The following NLRP2 variants were observed in gnomAD, a reference collection of about 807,000 sequenced individuals.
NLRP2 encodes the protein NACHT, LRR and PYD domains-containing protein 2.
NLRP2 carries 107 observed loss-of-function variants against 97.2 expected under a neutral mutation model. That is an observed-to-expected ratio of 1.10 (90% CI 0.94 to 1.29). The LOEUF is 1.29. Ranked by LOEUF, NLRP2 falls within the 50% of genes most tolerant of loss-of-function variation. The probability of loss-of-function intolerance (pLI) is 0.00; values close to 1 mark genes in which losing one functional copy is unlikely to be tolerated. For synonymous variants in NLRP2, 663 were observed against 551.5 expected (o/e 1.20, Z -2.83); for missense variants, 1,495 against 1,330.3 (o/e 1.12, Z -1.93).
At chr19:54,972,815 G>C (rs1005575020) in intron 2 of NLRP2, among the ~76,000 whole-genome samples, 27 of 152,040 alleles carry the variant, frequency 1.8e-4, no homozygotes, top group African/African-American at 6.5e-4. Flanking sequence ...GACCATCAGT[G>C]GATGAATAAA....
chr19:54,995,434 G>A (rs2072756145), intron 11 of NLRP2, among the ~76,000 whole-genome samples: 1 of 151,436 alleles, frequency 6.6e-6, no homozygotes, highest in Non-Finnish European at 1.5e-5. Flanking sequence ...TCAGGTGAGA[G>A]CCACCGTGCC....
rs181860176 is a variant in NLRP2, at chr19:55,000,499, T to C, written c.3051-261T>C. 8.7e-3 allele frequency among the ~76,000 whole-genome samples: 1,305 copies of C among 150,784 alleles called. 15 individuals carry two copies. Among genetic ancestry groups the C allele is most frequent in the African/African-American group, 0.03 (1,238 of 41,046 alleles). The stretch of plus-strand genomic sequence containing the variant: ...TTCACCGTGTTAGCCAGGATGGTCT[T>C]GATCTGCTGACCTCGTGATCCACCC... On this transcript the variant is annotated intron_variant, in intron 12 of 12. Coordinates refer to ENST00000448584, the MANE Select transcript of NLRP2 (RefSeq NM_017852.5).
intron 11 of NLRP2, 49 bp downstream of exon 11, chr19:54,994,488 CTG>C (rs762162738): frequency 2.9e-5 from 46 of 1,589,530 alleles, no homozygotes; most frequent in Admixed American, 1.0e-4. Context: ...CTTACTGAAT[CTG>C]TGGCTAGTGT....
Position 54,994,548 on chromosome 19 carries a change from C to G in NLRP2, c.2879+109C>G. The stretch of plus-strand genomic sequence containing the variant: ...TCCCAAGTTATATAATTGAGAGGAC[C>G]TTTATAGAGTCGATCGAGCATTTAC... On this transcript the variant is annotated intron_variant, in intron 11 of 12. Coordinates refer to ENST00000448584, the MANE Select transcript of NLRP2 (RefSeq NM_017852.5). 1.8e-6 allele frequency: 2 copies of G among 1,133,032 alleles called. 1 individual carries two copies. The highest frequency in any genetic ancestry group is 2.5e-5 in the South Asian group (2 of 80,558). 70.2% of individuals were successfully genotyped at this position (1,133,032 alleles called of 1,614,324 possible).
At chr19:54,986,070 A>G in intron 7 of NLRP2, 81 bp from the exon 8 acceptor site, 2 of 919,204 alleles carry the variant, frequency 2.2e-6, no homozygotes, top group Middle Eastern at 3.1e-4. Context: ...TAAAGTTTAA[A>G]TATATCGAGC....
chr19:54,999,768 ACT>A (rs1404508922), intron 12 of NLRP2, among the ~76,000 whole-genome samples: 8 of 151,392 alleles, frequency 5.3e-5, no homozygotes, highest in African/African-American at 1.7e-4. Flanking sequence ...CAAAAATCTC[ACT>A]CTATTGCTCA....
At position 54,983,391 on chromosome 19, in the gene NLRP2, A is replaced by G. The variant is rs369675696; in HGVS notation, c.1693A>G (p.Arg565Gly). ...YYSFGLANEK[R>G]AKELEATFGC... Reference sequence around the variant, plus strand: ...CTCCTTTGGCCTCGCTAACGAGAAGAGAGCCAAGGAGTTGGAGGCCACTTT... The same window carrying G: ...CTCCTTTGGCCTCGCTAACGAGAAGGGAGCCAAGGAGTTGGAGGCCACTTT... Residue 565 changes from arginine to glycine, a missense_variant, in exon 6 of 13, where the codon AGA becomes GGA. Physicochemically the swap from Arg to Gly is moderately radical, Grantham distance 125. Transcript: ENST00000448584. 3 of 1,614,232 alleles carry G rather than the reference A, an allele frequency of 1.9e-6. No homozygotes were observed. Among genetic ancestry groups the G allele is most frequent in the East Asian group, 2.2e-5 (1 of 44,882 alleles).
chr19:54,988,949 C>T (rs1220923655), intron 8 of NLRP2, among the ~76,000 whole-genome samples: 2 of 152,014 alleles, frequency 1.3e-5, no homozygotes, highest in African/African-American at 4.8e-5. Context: ...GCTGGTGTAT[C>T]GCTTGAAGTC....
intron 2 of NLRP2, among the ~76,000 whole-genome samples, chr19:54,971,350 C>G (rs533456089): frequency 1.3e-4 from 19 of 151,910 alleles, no homozygotes; most frequent in African/African-American, 4.3e-4. Context: ...AATGGGATGG[C>G]TGGGTCAAAT....
Position 54,985,026 on chromosome 19 carries a change from C to T in NLRP2, c.2031-21C>T, listed in dbSNP as rs8112779. On this transcript the variant is annotated intron_variant, in intron 6 of 12. Transcript: ENST00000448584. ...GTGATGGACACACATTTGGTGTAACCCTTTCTTCTCTTCCCTATAGATCCC... is the reference window on the plus strand; with the variant it reads ...GTGATGGACACACATTTGGTGTAACTCTTTCTTCTCTTCCCTATAGATCCC... The T allele has an allele frequency of 9.7e-5, 157 of 1,613,216 alleles. 1 individual carries two copies. The African/African-American group carries it at 1.7e-3, about 17-fold the overall frequency.
rs1288823791 is a variant in NLRP2, at chr19:54,990,759, C to G, written c.2708+87C>G. The G allele has an allele frequency of 4.5e-6, 6 of 1,331,716 alleles. No individual in the cohort carries two copies. In the Admixed American group the frequency reaches 1.1e-4, roughly 24 times the overall value. The allele number at this position is 1,331,716 out of a possible 1,614,324, so 82.5% of individuals were successfully genotyped here. On this transcript the variant is annotated intron_variant, in intron 10 of 12. Coordinates refer to ENST00000448584, the MANE Select transcript of NLRP2 (RefSeq NM_017852.5). ...TTTGAGTAGGGTGGTTATGAGAACA[C>G]TTAATTCCTCTAAAAGTTCCAAGCA...
At chr19:54,993,925 C>T (rs1447598118) in intron 10 of NLRP2, 4 of 389,364 alleles carry the variant, frequency 1.0e-5, no homozygotes, top group Non-Finnish European at 1.4e-5. Context: ...TCAAACGTTG[C>T]CCTGGCTCCC....
intron 3 of NLRP2, chr19:54,976,812 C>CTCTTTTTT: frequency 6.2e-6 from 2 of 322,648 alleles, no homozygotes; most frequent in African/African-American, 3.5e-5. Flanking sequence ...TGTTCTCTCT[C>CTCTTTTTT]TTTTTTTTTT....
At chr19:54,972,910 C>T (rs964965138) in intron 2 of NLRP2, among the ~76,000 whole-genome samples, 4 of 151,938 alleles carry the variant, frequency 2.6e-5, no homozygotes, top group Non-Finnish European at 5.9e-5. Context: ...CATGGTAGGC[C>T]GGGCACAGTG....
intron 6 of NLRP2, 127 bp downstream of exon 6, chr19:54,983,855 T>G: frequency 1.5e-6 from 2 of 1,356,294 alleles, no homozygotes; most frequent in Non-Finnish European, 2.1e-6. Flanking sequence ...GGACTCTTTG[T>G]TTGTTTTTGT....
intron 1 of NLRP2, among the ~76,000 whole-genome samples, chr19:54,966,825 CTTTTTTTTTTT>C (rs1044701142): frequency 5.2e-4 from 39 of 74,984 alleles, no homozygotes; most frequent in Admixed American, 8.2e-4. Flanking sequence ...CGCGCCCAGC[CTTTTTTTTTTT>C]TTTTTTTTTT....
intron 9 of NLRP2, 151 bp from the exon 10 acceptor site, chr19:54,990,348 TCTC>T: frequency 8.9e-7 from 1 of 1,129,100 alleles, no homozygotes; most frequent in Non-Finnish European, 1.3e-6. Context: ...ATTTTGTTCT[TCTC>T]TCATTCCTAT....
chr19:54,994,194 CAA>C (rs1157650096), intron 10 of NLRP2, 73 bp from the exon 11 acceptor site: 11 of 1,500,190 alleles, frequency 7.3e-6, no homozygotes, highest in East Asian at 6.8e-5. Flanking sequence ...ACCCACGGCT[CAA>C]GAGTCAAAGG....
chr19:54,977,358 T>C (rs1602333746), intron 3 of NLRP2, among the ~76,000 whole-genome samples: 1 of 151,558 alleles, frequency 6.6e-6, no homozygotes, highest in South Asian at 2.1e-4. Context: ...GAGGCGGAGG[T>C]TGCAGTGAGC....
Sources: allele counts gnomAD v4.1 joint callset (sites outside exome capture counted in the v4.1 genomes callset), GRCh38; gene constraint gnomAD v4.1.1; transcripts MANE v1.5; gene names NCBI Gene and HGNC (gene_info 2026-07-23, HGNC 2026-07-21).